TBC1D9: variants seen among roughly 807,000 people sequenced by gnomAD.
TBC1D9 encodes the protein TBC1 domain family member 9A.
TBC1D9 carries 63 observed loss-of-function variants against 132.0 expected under a neutral mutation model. The ratio of observed to expected loss-of-function variants is 0.48; its 90% confidence interval spans 0.39 to 0.59. The LOEUF (loss-of-function observed/expected upper bound fraction) is 0.59, where lower values mean the gene tolerates loss of function less well. TBC1D9 is among the 20% of genes least tolerant of loss of function. TBC1D9 has a pLI of 0.00. For synonymous variants in TBC1D9, 610 were observed against 609.9 expected, an observed-to-expected ratio of 1.00 and a Z score of 0.00; for missense variants, 1,261 against 1,592.7, an observed-to-expected ratio of 0.79 and a Z score of 3.54.
At chr4:140,662,907 C>T (rs1737386787) in intron 9 of TBC1D9, among the ~76,000 whole-genome samples, 1 of 152,086 alleles carries the variant, frequency 6.6e-6, no homozygotes, top group Non-Finnish European at 1.5e-5. Context: ...AAAATTAATG[C>T]AAAATGGATT....
chr4:140,649,465 A>G (rs1243705042), intron 13 of TBC1D9, among the ~76,000 whole-genome samples: 1 of 152,246 alleles, frequency 6.6e-6, no homozygotes, highest in African/African-American at 2.4e-5. Flanking sequence ...AAAAACTCCA[A>G]ATACTTAAGA....
intron 1 of TBC1D9, among the ~76,000 whole-genome samples, chr4:140,711,112 T>C (rs1020156000): frequency 6.6e-6 from 1 of 152,134 alleles, no homozygotes; most frequent in Non-Finnish European, 1.5e-5. Context: ...ACGCCAAGCC[T>C]TGTGTGATCT....
intron 9 of TBC1D9, among the ~76,000 whole-genome samples, chr4:140,666,945 C>T (rs1403442369): frequency 6.6e-6 from 1 of 152,222 alleles, no homozygotes; most frequent in Non-Finnish European, 1.5e-5. Context: ...TCACCACTCA[C>T]GCTGGCCCTG....
intron 2 of TBC1D9, among the ~76,000 whole-genome samples, chr4:140,691,481 G>T (rs1737877822): frequency 6.6e-6 from 1 of 152,170 alleles, no homozygotes; most frequent in Non-Finnish European, 1.5e-5. Flanking sequence ...CCAGCAGCTT[G>T]AACAAACTGT....
chr4:140,749,710 C>T (rs1738892372), intron 1 of TBC1D9, among the ~76,000 whole-genome samples: 1 of 152,052 alleles, frequency 6.6e-6, no homozygotes, highest in Non-Finnish European at 1.5e-5. Flanking sequence ...AATAAATCAA[C>T]TATCTGCTAT....
chr4:140,624,252 C>T, intron 19 of TBC1D9, 33 bp from the exon 20 acceptor site: 1 of 1,609,880 alleles, frequency 6.2e-7, no homozygotes, highest in South Asian at 1.1e-5. Context: ...TAAGTGCTTA[C>T]AGGCCAAAAA....
chr4:140,753,453 G>A (rs560824675), intron 1 of TBC1D9, among the ~76,000 whole-genome samples: 73 of 152,216 alleles, frequency 4.8e-4, no homozygotes, highest in African/African-American at 1.7e-3. Context: ...CTGGGAGGGT[G>A]GGAGAAGAGA....
chr4:140,649,045 TAC>T (rs1178818710), intron 13 of TBC1D9, among the ~76,000 whole-genome samples: 1 of 152,208 alleles, frequency 6.6e-6, no homozygotes, highest in African/African-American at 2.4e-5. Flanking sequence ...GAAGAACAGA[TAC>T]AGATTTTTAA....
chr4:140,681,229 T>C (rs974203131), intron 3 of TBC1D9, among the ~76,000 whole-genome samples: 2 of 152,196 alleles, frequency 1.3e-5, no homozygotes, highest in African/African-American at 4.8e-5. Context: ...CCATTCTACA[T>C]GCCTGAAATC....
intron 1 of TBC1D9, among the ~76,000 whole-genome samples, chr4:140,707,377 A>T (rs1177353831): frequency 1.3e-5 from 2 of 152,120 alleles, no homozygotes; most frequent in Admixed American, 6.5e-5. Flanking sequence ...GCAAATATTC[A>T]CTGATCTCCC....
intron 20 of TBC1D9, among the ~76,000 whole-genome samples, chr4:140,623,136 G>A (rs571954192): frequency 6.6e-6 from 1 of 152,160 alleles, no homozygotes; most frequent in Non-Finnish European, 1.5e-5. Context: ...CCAGGCTGGA[G>A]TGCAGTGGTG....
chr4:140,629,226 C>T (rs1464812110), intron 16 of TBC1D9, among the ~76,000 whole-genome samples: 1 of 152,188 alleles, frequency 6.6e-6, no homozygotes, highest in Non-Finnish European at 1.5e-5. Context: ...AAGCTGTATT[C>T]TTTAAATACT....
At chr4:140,732,682 A>G (rs1408822223) in intron 1 of TBC1D9, among the ~76,000 whole-genome samples, 1 of 152,192 alleles carries the variant, frequency 6.6e-6, no homozygotes, top group Non-Finnish European at 1.5e-5. Flanking sequence ...CAAGTCTTCC[A>G]CAGCTGTCTG....
At chr4:140,680,656 T>C (rs1261555644) in intron 3 of TBC1D9, among the ~76,000 whole-genome samples, 1 of 152,168 alleles carries the variant, frequency 6.6e-6, no homozygotes, top group Non-Finnish European at 1.5e-5. Context: ...TGCATGACCT[T>C]TAGAGCATGC....
At chr4:140,693,510 G>C (rs539101291) in intron 2 of TBC1D9, among the ~76,000 whole-genome samples, 8 of 152,276 alleles carry the variant, frequency 5.3e-5, no homozygotes, top group Admixed American at 2.6e-4. Context: ...TTTCTTGTCT[G>C]TAATATGTAA....
At chr4:140,707,014 G>A (rs1738159948) in intron 1 of TBC1D9, among the ~76,000 whole-genome samples, 1 of 152,130 alleles carries the variant, frequency 6.6e-6, no homozygotes, top group Non-Finnish European at 1.5e-5. Flanking sequence ...TCAGGTCCTA[G>A]GGTAAGTTCA....
At chr4:140,735,386 T>A (rs552340622) in intron 1 of TBC1D9, among the ~76,000 whole-genome samples, 2 of 152,286 alleles carry the variant, frequency 1.3e-5, no homozygotes, top group South Asian at 4.1e-4. Context: ...TATAGGCACA[T>A]CAGAAATAAA....
intron 13 of TBC1D9, among the ~76,000 whole-genome samples, chr4:140,655,742 G>C (rs556941359): frequency 6.6e-6 from 1 of 152,180 alleles, no homozygotes; most frequent in Admixed American, 6.6e-5. Flanking sequence ...GGTCATCATG[G>C]ACAAGAAAGC....
intron 1 of TBC1D9, among the ~76,000 whole-genome samples, chr4:140,716,646 G>C (rs779632142): frequency 1.3e-5 from 2 of 152,114 alleles, no homozygotes; most frequent in Non-Finnish European, 2.9e-5. Context: ...TGTCACAACA[G>C]AGGGGTAGGA....
Sources: allele counts gnomAD v4.1 joint callset (sites outside exome capture counted in the v4.1 genomes callset), GRCh38; gene constraint gnomAD v4.1.1; transcripts MANE v1.5; gene names NCBI Gene and HGNC (gene_info 2026-07-23, HGNC 2026-07-21).